PRKCD: variants seen among roughly 807,000 people sequenced by gnomAD.
PRKCD encodes protein kinase C delta type.
Under a neutral mutation model 82.2 loss-of-function variants are expected in PRKCD, and 20 were observed. That is an observed-to-expected ratio of 0.24 (90% CI 0.17 to 0.35). PRKCD has a LOEUF of 0.35. Among genes scored for constraint, PRKCD ranks in the 10% least tolerant of loss-of-function variants. PRKCD has a pLI of 1.00. For missense variants in PRKCD, 607 were observed against 899.0 expected, an observed-to-expected ratio of 0.68 and a Z score of 4.15; for synonymous variants, 317 against 337.0, an observed-to-expected ratio of 0.94 and a Z score of 0.65.
intron 14 of PRKCD, 121 bp downstream of exon 14, chr3:53,186,816 G>C: frequency 3.8e-6 from 4 of 1,055,858 alleles, no homozygotes; most frequent in Non-Finnish European, 5.5e-6. Context: ...GCCTGGGCTA[G>C]AGCGGCAACT....
At chr3:53,175,074 C>T (rs1268336194) in intron 2 of PRKCD, among the ~76,000 whole-genome samples, 4 of 152,066 alleles carry the variant, frequency 2.6e-5, no homozygotes, top group South Asian at 2.1e-4. Flanking sequence ...CTGGGCAGGC[C>T]GGGGGTAGGG....
chr3:53,163,996 T>C (rs1201904470), intron 1 of PRKCD, among the ~76,000 whole-genome samples: 3 of 152,144 alleles, frequency 2.0e-5, no homozygotes, highest in Admixed American at 6.5e-5. Context: ...TTAGAAATAA[T>C]TTAAAGTACA....
At chr3:53,186,540 TG>T in intron 13 of PRKCD, 63 bp from the exon 14 acceptor site, 18 of 1,472,066 alleles carry the variant, frequency 1.2e-5, no homozygotes, top group Non-Finnish European at 1.7e-5. Flanking sequence ...TTGGCCCCAG[TG>T]GCCCTCAGTG....
intron 18 of PRKCD, 21 bp downstream of exon 18, chr3:53,190,022 C>T (rs200542197): frequency 6.2e-7 from 1 of 1,613,186 alleles, no homozygotes; most frequent in Admixed American, 1.7e-5. Context: ...CTGCCCTGTG[C>T]TGCCTTCAGG....
chr3:53,184,023 T>A (rs1703571615), intron 9 of PRKCD, among the ~76,000 whole-genome samples: 1 of 152,228 alleles, frequency 6.6e-6, no homozygotes, highest in Admixed American at 6.5e-5. Flanking sequence ...CTTCTGGTTT[T>A]TCCTTTTTCT....
At chr3:53,174,296 G>T (rs905368019) in intron 2 of PRKCD, among the ~76,000 whole-genome samples, 8 of 152,216 alleles carry the variant, frequency 5.3e-5, no homozygotes, top group African/African-American at 1.9e-4. Context: ...CTGTAGGCTG[G>T]AGAAGCAGAA....
At chr3:53,177,572 A>C (rs1458807257) in intron 2 of PRKCD, among the ~76,000 whole-genome samples, 1 of 152,174 alleles carries the variant, frequency 6.6e-6, no homozygotes, top group East Asian at 1.9e-4. Flanking sequence ...AAAAAACCCC[A>C]AACTTAGAAA....
intron 2 of PRKCD, among the ~76,000 whole-genome samples, chr3:53,167,469 G>A (rs1245816856): frequency 1.3e-5 from 2 of 152,226 alleles, no homozygotes; most frequent in African/African-American, 2.4e-5. Context: ...TGGCTGGGCT[G>A]CATCTTAGTG....
At position 53,189,749 on chromosome 3, in the gene PRKCD, G is replaced by A. The variant is rs941367212; in HGVS notation, c.1744-124G>A. On this transcript the variant is annotated intron_variant, in intron 17 of 18. Transcript: ENST00000330452. ...CAGAGTGGCCTCCCTCAGCCCCACCGTTCCCCAGGCTGACTGGGGCTGGGG... is the reference window on the plus strand; with the variant it reads ...CAGAGTGGCCTCCCTCAGCCCCACCATTCCCCAGGCTGACTGGGGCTGGGG... 8.6e-5 allele frequency: 120 copies of A among 1,387,678 alleles called. No homozygotes were observed. The Admixed American group carries it at 1.1e-3, about 13-fold the overall frequency. 86.0% of individuals were successfully genotyped at this position (1,387,678 alleles called of 1,614,324 possible).
rs1553668239 is a variant in PRKCD at position 53,183,465 on chromosome 3, G to A, written c.671G>A (p.Arg224His). 3 of 1,614,152 alleles carry A rather than the reference G, an allele frequency of 1.9e-6. No individual in the cohort carries two copies. Among genetic ancestry groups the A allele is most frequent in the Non-Finnish European group, 2.5e-6 (3 of 1,180,018 alleles). The change falls in exon 9 of 19, where the codon CGC (arginine) becomes CAC (histidine). Residue 224 changes from arginine to histidine, a missense_variant. By Grantham distance (29) the Arg-to-His change is conservative. Transcript: ENST00000330452. ...CCCCACCTCCAGTTCCAGAAAGAACGCTTCAACATCGACATGCCGCACCGC... is the reference window on the plus strand; with the variant it reads ...CCCCACCTCCAGTTCCAGAAAGAACACTTCAACATCGACATGCCGCACCGC... The part of the protein sequence containing the change: ...NSRDTIFQKE[R>H]FNIDMPHRFK...
chr3:53,181,564 T>C lies in PRKCD; in HGVS notation c.497T>C (p.Phe166Ser). The C allele has an allele frequency of 6.2e-7, 1 of 1,614,212 alleles. No homozygotes were observed. The highest frequency in any genetic ancestry group is 8.5e-7 in the Non-Finnish European group (1 of 1,180,020). The change falls in exon 6 of 19, where the codon TTT becomes TCT. Residue 166 changes from phenylalanine (F) to serine (S), a missense_variant. By Grantham distance (155) the Phe-to-Ser change is radical. Transcript: ENST00000330452. ...AACCATGAGTTTATCGCCACCTTCT[T>C]TGGGCAACCCACCTTCTGTTCTGTG... is the stretch of plus-strand genomic sequence containing the variant. ...IKNHEFIATF[F>S]GQPTFCSVCK... is the part of the protein sequence containing the mutation.
rs34435761 is a variant in PRKCD at position 53,186,457 on chromosome 3, T to TC, written c.1260+123dup. ...GGCCACTTAAGGCAGGGCCATGCTTTCCCCCCTCATGCCTCCCAGGGCAGA... is the reference window on the plus strand; with the variant it reads ...GGCCACTTAAGGCAGGGCCATGCTTTCCCCCCCTCATGCCTCCCAGGGCAGA... On this transcript the variant is annotated intron_variant, in intron 13 of 18. Coordinates refer to ENST00000330452, the MANE Select transcript of PRKCD (RefSeq NM_006254.4). 0.48 allele frequency: 644,003 copies of TC among 1,346,910 alleles called. 162,651 individuals carry two copies. Among genetic ancestry groups the TC allele is most frequent in the Non-Finnish European group, 0.52 (495,846 of 958,296 alleles). 83.4% of individuals were successfully genotyped at this position (1,346,910 alleles called of 1,614,324 possible). A position where few individuals can be genotyped will look rare whatever the true frequency, so the allele number is the denominator to read the frequency against.
At chr3:53,168,807 G>A (rs1009246484) in intron 2 of PRKCD, among the ~76,000 whole-genome samples, 2 of 146,932 alleles carry the variant, frequency 1.4e-5, no homozygotes, top group East Asian at 2.1e-4. Context: ...GCGCCTGCCC[G>A]AGAGGTCAGG....
rs1553667534 is a variant in PRKCD at position 53,181,554 on chromosome 3, G to A, written c.487G>A (p.Ala163Thr). The A allele has an allele frequency of 5.6e-6, 9 of 1,614,100 alleles. No homozygotes were observed. Among genetic ancestry groups the A allele is most frequent in the African/African-American group, 2.7e-5 (2 of 74,936 alleles). Residue 163 changes from alanine (A) to threonine (T), a missense_variant, in exon 6 of 19, where the codon GCC (alanine) becomes ACC (threonine). Physicochemically the swap from Ala to Thr is moderately conservative, Grantham distance 58. Coordinates refer to ENST00000330452, the MANE Select transcript of PRKCD (RefSeq NM_006254.4). ...IHYIKNHEFIATFFGQPTFCS... is the reference protein window; with the variant it reads ...IHYIKNHEFITTFFGQPTFCS... ...CTACATCAAGAACCATGAGTTTATC[G>A]CCACCTTCTTTGGGCAACCCACCTT...
intron 2 of PRKCD, among the ~76,000 whole-genome samples, chr3:53,165,817 T>C (rs6445567): frequency 0.98 from 149,593 of 152,316 alleles, 73,503 homozygotes; most frequent in East Asian, 1. Context: ...GGAACAATGC[T>C]GGGAAGGCTG....
chr3:53,180,318 C>G (rs543454701), intron 4 of PRKCD, among the ~76,000 whole-genome samples: 6 of 152,338 alleles, frequency 3.9e-5, no homozygotes, highest in Admixed American at 3.3e-4. Context: ...CCTTGGCAGC[C>G]ATTGAGGGGG....
At chr3:53,163,247 G>A (rs782034936) in intron 1 of PRKCD, among the ~76,000 whole-genome samples, 16 of 152,008 alleles carry the variant, frequency 1.1e-4, no homozygotes, top group Non-Finnish European at 1.6e-4. Context: ...TGAAACTGCC[G>A]GTGTATGCTT....
At chr3:53,177,895 G>A (rs534522806) in intron 2 of PRKCD, among the ~76,000 whole-genome samples, 45 of 151,848 alleles carry the variant, frequency 3.0e-4, no homozygotes, top group African/African-American at 1.0e-3. Flanking sequence ...TACCAGAGAC[G>A]CCGCAAATCC....
chr3:53,182,862 C>A (rs1299080583), intron 7 of PRKCD, among the ~76,000 whole-genome samples: 1 of 152,226 alleles, frequency 6.6e-6, no homozygotes, highest in Non-Finnish European at 1.5e-5. Flanking sequence ...CTTCTGCCCA[C>A]CTCCCTGCCC....
Sources: gnomAD v4.1 joint callset for allele counts (sites outside exome capture counted in the v4.1 genomes callset) on GRCh38, gnomAD v4.1.1 for gene constraint, MANE v1.5 for transcripts, NCBI Gene and HGNC (gene_info 2026-07-23, HGNC 2026-07-21) for gene names.